The following GNAQ variants were observed in gnomAD, a reference collection of about 807,000 sequenced individuals.
GNAQ encodes the protein G protein subunit alpha q.
In GNAQ, 8 loss-of-function variants were observed where a neutral mutation model predicts 43.9. That is an observed-to-expected ratio of 0.18 (90% CI 0.11 to 0.33). The LOEUF is 0.33. Ranked by LOEUF, GNAQ falls within the 10% of genes least tolerant of loss-of-function variation. The pLI is 1.00. For missense variants in GNAQ, 158 were observed against 450.8 expected (o/e 0.35, Z 5.88); for synonymous variants, 155 against 170.7 (o/e 0.91, Z 0.71).
intron 2 of GNAQ, among the ~76,000 whole-genome samples, chr9:77,836,018 A>T (rs1359677476): frequency 6.6e-6 from 1 of 152,138 alleles, no homozygotes; most frequent in Admixed American, 6.5e-5. Flanking sequence ...AAGAAGAAAG[A>T]AAAAAAATCT....
chr9:78,006,116 C>T, intron 1 of GNAQ, among the ~76,000 whole-genome samples: 1 of 152,094 alleles, frequency 6.6e-6, no homozygotes, highest in East Asian at 1.9e-4. Flanking sequence ...GATTTAAATG[C>T]CCTAGCTAAT....
At chr9:77,890,478 C>G (rs1309676667) in intron 2 of GNAQ, among the ~76,000 whole-genome samples, 1 of 152,152 alleles carries the variant, frequency 6.6e-6, no homozygotes, top group Admixed American at 6.5e-5. Context: ...AATCCTAGCA[C>G]TTTGGGAGGC....
At chr9:77,866,428 G>T (rs937329868) in intron 2 of GNAQ, among the ~76,000 whole-genome samples, 1 of 152,132 alleles carries the variant, frequency 6.6e-6, no homozygotes, top group Non-Finnish European at 1.5e-5. Flanking sequence ...AGTAAGCTGA[G>T]TACTGTCTCA....
intron 1 of GNAQ, among the ~76,000 whole-genome samples, chr9:77,964,727 T>C (rs997179653): frequency 6.6e-6 from 1 of 152,066 alleles, no homozygotes. Flanking sequence ...CAAATAGATA[T>C]TAGAAAGTAT....
chr9:77,884,564 A>T (rs1018510984), intron 2 of GNAQ, among the ~76,000 whole-genome samples: 3 of 152,236 alleles, frequency 2.0e-5, no homozygotes, highest in South Asian at 2.1e-4. Context: ...CTGCAAAGCC[A>T]GAGATGCCTG....
At chr9:77,811,117 T>C (rs1197840359) in intron 3 of GNAQ, among the ~76,000 whole-genome samples, 1 of 152,126 alleles carries the variant, frequency 6.6e-6, no homozygotes, top group African/African-American at 2.4e-5. Context: ...ACCAGAAATG[T>C]AGATGTTAAG....
At chr9:77,987,197 T>C (rs530935320) in intron 1 of GNAQ, among the ~76,000 whole-genome samples, 12 of 152,264 alleles carry the variant, frequency 7.9e-5, no homozygotes, top group South Asian at 4.1e-4. Flanking sequence ...GCATGTAGGC[T>C]TATCATCTGC....
At chr9:77,880,375 T>C (rs1485761440) in intron 2 of GNAQ, among the ~76,000 whole-genome samples, 9 of 152,026 alleles carry the variant, frequency 5.9e-5, no homozygotes. Flanking sequence ...TGGACCGTAT[T>C]TTCTTTTCTT....
chr9:77,937,031 G>C (rs545641502), intron 1 of GNAQ, among the ~76,000 whole-genome samples: 2 of 152,218 alleles, frequency 1.3e-5, no homozygotes, highest in East Asian at 1.9e-4. Context: ...ATTACTTATT[G>C]CTTGTTTTGT....
At chr9:77,897,988 TAAAG>T (rs1828530992) in intron 2 of GNAQ, among the ~76,000 whole-genome samples, 1 of 142,922 alleles carries the variant, frequency 7.0e-6, no homozygotes, top group African/African-American at 2.6e-5. Flanking sequence ...TCATTTAAGA[TAAAG>T]AAAGTGAATT....
At chr9:77,979,356 CA>C (rs11417939) in intron 1 of GNAQ, among the ~76,000 whole-genome samples, 11 of 140,890 alleles carry the variant, frequency 7.8e-5, no homozygotes, top group East Asian at 2.2e-4. Context: ...GACTCTGTCT[CA>C]AAAAAAAAAA....
At chr9:77,968,418 CA>C (rs2118447414) in intron 1 of GNAQ, among the ~76,000 whole-genome samples, 1 of 152,178 alleles carries the variant, frequency 6.6e-6, no homozygotes, top group South Asian at 2.1e-4. Context: ...AAGTGTTTTC[CA>C]ATTCTTATAC....
intron 2 of GNAQ, among the ~76,000 whole-genome samples, chr9:77,865,956 T>C (rs1425618812): frequency 6.6e-6 from 1 of 152,202 alleles, no homozygotes; most frequent in African/African-American, 2.4e-5. Context: ...ATATAATGAT[T>C]AAGATACAGT....
chr9:77,982,257 T>C (rs987917798), intron 1 of GNAQ, among the ~76,000 whole-genome samples: 1 of 152,250 alleles, frequency 6.6e-6, no homozygotes, highest in African/African-American at 2.4e-5. Flanking sequence ...TTCTGGTCTT[T>C]GTAGGGAGGT....
intron 1 of GNAQ, among the ~76,000 whole-genome samples, chr9:77,937,568 A>T (rs1829249609): frequency 6.6e-6 from 1 of 152,172 alleles, no homozygotes; most frequent in African/African-American, 2.4e-5. Flanking sequence ...AGGAGTTGTC[A>T]AATACCTAAC....
chr9:77,792,386 C>A (rs544984668), intron 5 of GNAQ, among the ~76,000 whole-genome samples: 6 of 152,174 alleles, frequency 3.9e-5, no homozygotes, highest in African/African-American at 1.4e-4. Context: ...GTTCTTAGTA[C>A]CTGTACATTG....
chr9:77,987,728 A>G (rs1823459769), intron 1 of GNAQ, among the ~76,000 whole-genome samples: 1 of 152,148 alleles, frequency 6.6e-6, no homozygotes, highest in Non-Finnish European at 1.5e-5. Context: ...ATAAATGTAC[A>G]GTACATAAAA....
chr9:78,030,685 C>A, intron 1 of GNAQ: 1 of 404,278 alleles, frequency 2.5e-6, no homozygotes, highest in Non-Finnish European at 5.2e-6. Flanking sequence ...GCTCCCCACG[C>A]CACCACCCCA....
rs1587383573 is a variant in GNAQ, at chr9:77,880,699, C to A, written c.321+41462G>T. Among the ~76,000 whole-genome samples, 6 of 152,014 alleles carry A rather than the reference C, an allele frequency of 3.9e-5. No individual in the cohort carries two copies. The South Asian group carries it at 1.2e-3, about 31-fold the overall frequency. Reference sequence around the variant, plus strand: ...ATTCTATTTAGCTAAGTGTGAAAAACAATTTGCCTTCATCATGAAGTATGT... The same window carrying A: ...ATTCTATTTAGCTAAGTGTGAAAAAAAATTTGCCTTCATCATGAAGTATGT... On this transcript the variant is annotated intron_variant, in intron 2 of 6. Coordinates refer to ENST00000286548, the MANE Select transcript of GNAQ (RefSeq NM_002072.5).
Sources: gnomAD v4.1 joint callset for allele counts (sites outside exome capture counted in the v4.1 genomes callset) on GRCh38, gnomAD v4.1.1 for gene constraint, MANE v1.5 for transcripts, NCBI Gene and HGNC (gene_info 2026-07-23, HGNC 2026-07-21) for gene names.